TMTC1: variants seen among roughly 807,000 people sequenced by gnomAD.
The protein encoded by TMTC1 is protein O-mannosyl-transferase TMTC1.
TMTC1 carries 73 observed loss-of-function variants against 104.8 expected under a neutral mutation model. The ratio of observed to expected loss-of-function variants is 0.70; its 90% CI spans 0.58 to 0.85. The LOEUF is 0.85. TMTC1 is among the 40% of genes least tolerant of loss of function. The pLI is 0.00. For missense variants in TMTC1, 1,035 were observed against 1,096.1 expected (o/e 0.94, Z 0.79); for synonymous variants, 434 against 428.7 (o/e 1.01, Z -0.15).
chr12:29,689,042 A>G (rs1003443740), intron 5 of TMTC1, among the ~76,000 whole-genome samples: 2 of 152,158 alleles, frequency 1.3e-5, no homozygotes, highest in South Asian at 4.2e-4. Context: ...ATTTACTTCA[A>G]TCCTGTCTCC....
chr12:29,721,988 T>C (rs777099197), intron 5 of TMTC1, among the ~76,000 whole-genome samples: 1 of 152,196 alleles, frequency 6.6e-6, no homozygotes, highest in African/African-American at 2.4e-5. Context: ...TCTGGCTTAA[T>C]AGATGCCTAT....
intron 5 of TMTC1, among the ~76,000 whole-genome samples, chr12:29,639,460 C>A (rs1293246239): frequency 1.3e-5 from 2 of 152,188 alleles, no homozygotes; most frequent in Admixed American, 6.5e-5. Flanking sequence ...AAATTACTAC[C>A]AGTAGAAAGT....
chr12:29,593,216 C>G (rs1200070776), intron 7 of TMTC1, among the ~76,000 whole-genome samples: 1 of 151,978 alleles, frequency 6.6e-6, no homozygotes, highest in African/African-American at 2.4e-5. Flanking sequence ...GACAAGGGCT[C>G]AATATTTCCT....
chr12:29,735,946 G>C (rs1942660849), intron 5 of TMTC1, among the ~76,000 whole-genome samples: 1 of 152,182 alleles, frequency 6.6e-6, no homozygotes, highest in Non-Finnish European at 1.5e-5. Context: ...GATTTGTAGA[G>C]TCTCCTCGGG....
At chr12:29,772,818 TA>T (rs1227982922) in intron 1 of TMTC1, among the ~76,000 whole-genome samples, 1 of 152,176 alleles carries the variant, frequency 6.6e-6, no homozygotes, top group East Asian at 1.9e-4. Flanking sequence ...ACCAATTTTT[TA>T]AAAAACTCAT....
intron 10 of TMTC1, among the ~76,000 whole-genome samples, chr12:29,537,252 T>A (rs1340497968): frequency 2.0e-5 from 3 of 152,304 alleles, no homozygotes; most frequent in Middle Eastern, 6.8e-3. Flanking sequence ...CAGTTACCAA[T>A]ATAGAGTTGC....
At position 29,517,589 on chromosome 12, in the gene TMTC1, C is replaced by T. The variant is rs773972690; in HGVS notation, c.2025-18G>A. ...GCAGGGCGCTGAGTTTGGAGAAAAT[C>T]TAAATGACATTTCTCTTCTAATAGG... On this transcript the variant is annotated intron_variant, in intron 13 of 17. Coordinates refer to ENST00000539277, the MANE Select transcript of TMTC1 (RefSeq NM_001193451.2). 1 of 1,613,812 alleles carries T rather than the reference C, an allele frequency of 6.2e-7. No homozygotes were observed. Among genetic ancestry groups the T allele is most frequent in the Non-Finnish European group, 8.5e-7 (1 of 1,179,908 alleles).
intron 7 of TMTC1, among the ~76,000 whole-genome samples, chr12:29,602,474 G>A (rs1238029984): frequency 6.6e-6 from 1 of 152,174 alleles, no homozygotes; most frequent in Non-Finnish European, 1.5e-5. Context: ...ATATGTCATT[G>A]AGTTGGGTGC....
At chr12:29,527,991 T>C (rs1944396713) in intron 11 of TMTC1, among the ~76,000 whole-genome samples, 3 of 152,198 alleles carry the variant, frequency 2.0e-5, no homozygotes, top group Admixed American at 2.0e-4. Flanking sequence ...TTAAGATCTG[T>C]CTTTCTATTC....
At chr12:29,603,711 T>C (rs1946625969) in intron 7 of TMTC1, among the ~76,000 whole-genome samples, 1 of 152,218 alleles carries the variant, frequency 6.6e-6, no homozygotes, top group Non-Finnish European at 1.5e-5. Context: ...TTTTAAATCA[T>C]TGTTCTTTTC....
rs187502835 is a variant in TMTC1 at position 29,553,055 on chromosome 12, C to T, written c.1676+3802G>A. ...TTCAGGGTGATGGAAATCAAATTTGCTGTTTCTTTAAGAGAGATGCAGGGT... is the reference window on the plus strand; with the variant it reads ...TTCAGGGTGATGGAAATCAAATTTGTTGTTTCTTTAAGAGAGATGCAGGGT... On this transcript the variant is annotated intron_variant, in intron 10 of 17. Transcript: ENST00000539277. 1.3e-3 allele frequency among the ~76,000 whole-genome samples: 204 copies of T among 152,298 alleles called. 1 individual carries two copies. The highest frequency in any genetic ancestry group is 2.5e-3 in the Non-Finnish European group (171 of 68,028).
chr12:29,519,475 T>C (rs2136154108), intron 12 of TMTC1: 1 of 152,334 alleles, frequency 6.6e-6, no homozygotes, highest in Non-Finnish European at 1.5e-5. Flanking sequence ...TGAAACTATA[T>C]TCAGTAACTA....
At chr12:29,561,761 T>C (rs965443920) in intron 9 of TMTC1, among the ~76,000 whole-genome samples, 2 of 152,248 alleles carry the variant, frequency 1.3e-5, no homozygotes, top group Non-Finnish European at 2.9e-5. Flanking sequence ...TCAAATAATA[T>C]TGAATGATGT....
chr12:29,520,245 G>T (rs950857130), intron 12 of TMTC1, among the ~76,000 whole-genome samples: 35 of 152,142 alleles, frequency 2.3e-4, no homozygotes, highest in African/African-American at 8.2e-4. Context: ...TTATAGAAAA[G>T]TATTTACCAT....
In TMTC1 at chr12:29,608,271, C is replaced by CA. The variant is rs1429880945; in HGVS notation, c.1129-3973dup. On this transcript the variant is annotated intron_variant, in intron 6 of 17. Coordinates refer to ENST00000539277, the MANE Select transcript of TMTC1 (RefSeq NM_001193451.2). ...TGTATCCTGTGGATCACTGATGTGA[C>CA]AAAATTGGCTAAATAATTTATAGCT... Among the ~76,000 whole-genome samples the CA allele has an allele frequency of 3.3e-5, 5 of 152,248 alleles. No individual in the cohort carries two copies. The East Asian group carries it at 9.7e-4, about 29-fold the overall frequency.
intron 1 of TMTC1, among the ~76,000 whole-genome samples, chr12:29,776,096 G>C (rs1234595592): frequency 6.6e-6 from 1 of 152,110 alleles, no homozygotes; most frequent in African/African-American, 2.4e-5. Flanking sequence ...AGAAAGCATA[G>C]GCATGGATGA....
intron 9 of TMTC1, among the ~76,000 whole-genome samples, chr12:29,566,050 T>C (rs1945504129): frequency 6.6e-6 from 1 of 151,856 alleles, no homozygotes. Context: ...CGGAGGGTGA[T>C]AAATGGAGAA....
intron 5 of TMTC1, among the ~76,000 whole-genome samples, chr12:29,672,310 T>C (rs1337465799): frequency 3.9e-5 from 6 of 152,196 alleles, no homozygotes; most frequent in Non-Finnish European, 5.9e-5. Flanking sequence ...CCAACTCTAA[T>C]TTGCTCCCAA....
At chr12:29,639,777 T>C (rs1938744595) in intron 5 of TMTC1, among the ~76,000 whole-genome samples, 1 of 152,242 alleles carries the variant, frequency 6.6e-6, no homozygotes, top group Non-Finnish European at 1.5e-5. Flanking sequence ...AATATCCATG[T>C]GATGGAAATC....
Sources: allele counts gnomAD v4.1 joint callset (sites outside exome capture counted in the v4.1 genomes callset), GRCh38; gene constraint gnomAD v4.1.1; transcripts MANE v1.5; gene names NCBI Gene and HGNC (gene_info 2026-07-23, HGNC 2026-07-21).